The following TACR1 variants were observed in gnomAD, a reference collection of about 807,000 sequenced individuals.
TACR1 encodes tachykinin receptor 1.
Under a neutral mutation model 35.8 loss-of-function variants are expected in TACR1, and 25 were observed. The ratio of observed to expected loss-of-function variants is 0.70; its 90% CI spans 0.51 to 0.98. TACR1 has a LOEUF of 0.98. TACR1 is among the 50% of genes least tolerant of loss of function. The pLI is 0.00. For missense variants in TACR1, 478 were observed against 522.9 expected (o/e 0.91, Z 0.84); for synonymous variants, 195 against 206.7 (o/e 0.94, Z 0.48).
At chr2:75,127,512 A>G (rs1214802388) in intron 1 of TACR1, among the ~76,000 whole-genome samples, 2 of 152,198 alleles carry the variant, frequency 1.3e-5, no homozygotes, top group Admixed American at 1.3e-4. Context: ...CCACTTCAAA[A>G]GGTGCCAGCT....
intron 1 of TACR1, among the ~76,000 whole-genome samples, chr2:75,162,045 A>C (rs74968088): frequency 6.9e-6 from 1 of 144,308 alleles, no homozygotes. Context: ...GACTCTTCCA[A>C]AAAAAAAAAA....
At chr2:75,095,938 G>A (rs1197858776) in intron 2 of TACR1, among the ~76,000 whole-genome samples, 1 of 152,198 alleles carries the variant, frequency 6.6e-6, no homozygotes, top group Non-Finnish European at 1.5e-5. Flanking sequence ...GACTTACACT[G>A]TGAGTGAGAA....
At chr2:75,119,276 A>G (rs765875486) in intron 2 of TACR1, among the ~76,000 whole-genome samples, 20 of 152,164 alleles carry the variant, frequency 1.3e-4, no homozygotes, top group Non-Finnish European at 7.3e-5. Flanking sequence ...ATCTCGTTTG[A>G]TCTTCACAAG....
At chr2:75,136,441 T>C (rs757451197) in intron 1 of TACR1, among the ~76,000 whole-genome samples, 79 of 152,186 alleles carry the variant, frequency 5.2e-4, no homozygotes, top group Non-Finnish European at 9.9e-4. Context: ...CTGACAGGTA[T>C]GCACTTTTGG....
chr2:75,099,630 G>T (rs1338978641), intron 2 of TACR1, among the ~76,000 whole-genome samples: 1 of 152,156 alleles, frequency 6.6e-6, no homozygotes, highest in African/African-American at 2.4e-5. Flanking sequence ...CCAGGGAGAG[G>T]TTTGCGCGGC....
At chr2:75,182,401 C>A (rs1263076069) in intron 1 of TACR1, among the ~76,000 whole-genome samples, 2 of 152,092 alleles carry the variant, frequency 1.3e-5, no homozygotes, top group Admixed American at 6.5e-5. Context: ...TGCCACAATA[C>A]CCACCCCTGA....
At chr2:75,195,998 C>T (rs72809347) in intron 1 of TACR1, among the ~76,000 whole-genome samples, 24,060 of 152,006 alleles carry the variant, frequency 0.16, 2,592 homozygotes, top group African/African-American at 0.29. Flanking sequence ...TGCTTCTTGT[C>T]GGTTAGGTAA....
At chr2:75,141,658 A>T (rs981746175) in intron 1 of TACR1, among the ~76,000 whole-genome samples, 1 of 152,228 alleles carries the variant, frequency 6.6e-6, no homozygotes, top group Non-Finnish European at 1.5e-5. Context: ...TCTTGGTCCT[A>T]TATCAGGCAC....
At chr2:75,132,734 T>C (rs1674201973) in intron 1 of TACR1, among the ~76,000 whole-genome samples, 1 of 152,212 alleles carries the variant, frequency 6.6e-6, no homozygotes. Context: ...TCAGAGACGA[T>C]ATACAATTGT....
intron 1 of TACR1, among the ~76,000 whole-genome samples, chr2:75,178,357 G>A (rs1289640602): frequency 1.3e-5 from 2 of 151,792 alleles, no homozygotes; most frequent in Non-Finnish European, 2.9e-5. Flanking sequence ...GCTAATTTTT[G>A]TATTTTTAGT....
chr2:75,175,996 C>G (rs1675404622), intron 1 of TACR1, among the ~76,000 whole-genome samples: 1 of 114,720 alleles, frequency 8.7e-6, no homozygotes, highest in African/African-American at 3.4e-5. Context: ...GCATGGCTCA[C>G]TATGTTTGAG....
chr2:75,098,595 C>T (rs1239543779), intron 2 of TACR1, among the ~76,000 whole-genome samples: 1 of 152,138 alleles, frequency 6.6e-6, no homozygotes, highest in African/African-American at 2.4e-5. Flanking sequence ...TTGAAGTGAG[C>T]GACTCTCATC....
At chr2:75,165,599 C>T (rs562936979) in intron 1 of TACR1, among the ~76,000 whole-genome samples, 21 of 152,078 alleles carry the variant, frequency 1.4e-4, no homozygotes, top group African/African-American at 4.6e-4. Context: ...GGAGCCACTG[C>T]GCCTGGCCCC....
At chr2:75,154,411 C>CGCGCG (rs1558572275) in intron 1 of TACR1, 1 of 59,086 alleles carries the variant, frequency 1.7e-5, no homozygotes, top group African/African-American at 5.0e-5. Flanking sequence ...AGCGCGCACG[C>CGCGCG]ACACACACAC....
chr2:75,188,377 C>T (rs1675758119), intron 1 of TACR1: 1 of 152,188 alleles, frequency 6.6e-6, no homozygotes, highest in Admixed American at 6.5e-5. Context: ...TCAATGTGCA[C>T]ATGAGGTTTT....
chr2:75,059,469 T>G (rs6745719), intron 2 of TACR1, among the ~76,000 whole-genome samples: 81 of 126,328 alleles, frequency 6.4e-4, no homozygotes, highest in East Asian at 2.9e-3. Flanking sequence ...AGATCCCACT[T>G]TAGAGCTTCT....
chr2:75,070,093 TGGA>T (rs1280985443), intron 2 of TACR1, among the ~76,000 whole-genome samples: 2 of 152,188 alleles, frequency 1.3e-5, no homozygotes, highest in African/African-American at 4.8e-5. Flanking sequence ...TATATCAGTA[TGGA>T]CTCATGAAAT....
chr2:75,123,402 A>G (rs1674010404), intron 1 of TACR1, among the ~76,000 whole-genome samples: 1 of 152,224 alleles, frequency 6.6e-6, no homozygotes. Flanking sequence ...CGAATTGGCG[A>G]TACACCATTC....
intron 1 of TACR1, among the ~76,000 whole-genome samples, chr2:75,136,567 C>T (rs1416480229): frequency 2.0e-5 from 3 of 152,126 alleles, no homozygotes; most frequent in East Asian, 1.9e-4. Context: ...GGGCTGCCTT[C>T]CCCCTCCTCC....
Sources: allele counts gnomAD v4.1 joint callset (sites outside exome capture counted in the v4.1 genomes callset), GRCh38; gene constraint gnomAD v4.1.1; transcripts MANE v1.5; gene names NCBI Gene and HGNC (gene_info 2026-07-23, HGNC 2026-07-21).